UGGT2: variants seen among roughly 807,000 people sequenced by gnomAD.
UGGT2 encodes UDP-glucose:glycoprotein glucosyltransferase 2.
A neutral mutation model predicts 192.1 loss-of-function variants in UGGT2; 180 were observed. The observed-to-expected ratio is 0.94, with a 90% CI of 0.83 to 1.06. UGGT2 has a LOEUF of 1.06. UGGT2 is among the 50% of genes least tolerant of loss of function. The pLI is 0.00. For missense variants in UGGT2, 1,849 were observed against 1,795.7 expected (o/e 1.03, Z -0.54); for synonymous variants, 580 against 591.0 (o/e 0.98, Z 0.27).
intron 36 of UGGT2, among the ~76,000 whole-genome samples, chr13:95,847,344 C>A (rs887959022): frequency 1.3e-5 from 2 of 152,134 alleles, no homozygotes; most frequent in African/African-American, 2.4e-5. Flanking sequence ...CATTAGACTT[C>A]TTTCTTGGTG....
At chr13:96,021,528 A>T (rs1394250638) in intron 4 of UGGT2, among the ~76,000 whole-genome samples, 1 of 152,208 alleles carries the variant, frequency 6.6e-6, no homozygotes, top group Non-Finnish European at 1.5e-5. Flanking sequence ...AGAATGACCG[A>T]TAAAAATTAA....
intron 13 of UGGT2, among the ~76,000 whole-genome samples, chr13:95,948,881 A>C (rs2049968073): frequency 6.6e-6 from 1 of 152,202 alleles, no homozygotes; most frequent in Admixed American, 6.5e-5. Flanking sequence ...GGAGGGACCC[A>C]GTAGGAGGTA....
chr13:95,982,538 A>G (rs1312832045), intron 10 of UGGT2, among the ~76,000 whole-genome samples: 1 of 152,022 alleles, frequency 6.6e-6, no homozygotes, highest in African/African-American at 2.4e-5. Context: ...TGCTCCAACC[A>G]ATTTGTGGGC....
intron 37 of UGGT2, among the ~76,000 whole-genome samples, chr13:95,836,248 T>C (rs1887275802): frequency 6.6e-6 from 1 of 152,190 alleles, no homozygotes; most frequent in South Asian, 2.1e-4. Flanking sequence ...TGGGGTTTCA[T>C]CATGTTAGCA....
intron 1 of UGGT2, among the ~76,000 whole-genome samples, chr13:96,041,545 G>A (rs563024450): frequency 1.3e-5 from 2 of 152,294 alleles, no homozygotes; most frequent in African/African-American, 4.8e-5. Context: ...CACAGGTGGG[G>A]AAGCATGAGA....
At chr13:95,890,820 A>C (rs890950345) in intron 25 of UGGT2, 42 bp downstream of exon 25, 4 of 1,505,968 alleles carry the variant, frequency 2.7e-6, no homozygotes, top group Non-Finnish European at 3.6e-6. Flanking sequence ...AAAATTATGA[A>C]TTTAAAAACA....
intron 2 of UGGT2, among the ~76,000 whole-genome samples, chr13:96,025,121 C>G (rs1317878658): frequency 1.3e-5 from 2 of 152,174 alleles, no homozygotes; most frequent in Non-Finnish European, 2.9e-5. Flanking sequence ...GTCTCTGAAT[C>G]AGGGGTTTCA....
At chr13:95,867,763 G>A (rs1489298009) in intron 29 of UGGT2, among the ~76,000 whole-genome samples, 1 of 152,024 alleles carries the variant, frequency 6.6e-6, no homozygotes, top group African/African-American at 2.4e-5. Flanking sequence ...CTGATATATT[G>A]TAGTGATAAT....
Position 95,843,671 on chromosome 13 carries a change from T to G in UGGT2, c.4285-6469A>C, listed in dbSNP as rs550585388. Among the ~76,000 whole-genome samples the G allele has an allele frequency of 1.9e-3, 284 of 150,700 alleles. 1 individual carries two copies. The highest frequency in any genetic ancestry group is 5.7e-3 in the African/African-American group (234 of 41,220). ...TATTAGGGTTTAGAGGTTTTTGGGG[T>G]TTTTTTTTGGCATAAGGATATCTAA... On this transcript the variant is annotated intron_variant, in intron 36 of 38. Transcript: ENST00000376747.
chr13:95,877,775 G>A lies in UGGT2; in HGVS notation c.3310C>T (p.Pro1104Ser), dbSNP rs368042833. The A allele has an allele frequency of 6.2e-7, 1 of 1,613,866 alleles. No homozygotes were observed. Among genetic ancestry groups the A allele is most frequent in the African/African-American group, 1.3e-5 (1 of 74,924 alleles). ...AGTGTGAACTGCAGACCCCGAGGAG[G>A]CTGTTCTGTCACTTTATCAAAGCAT... ...GQCFDKVTEQ[P>S]PRGLQFTLGT... is the part of the protein sequence containing the mutation. The change falls in exon 28 of 39, where the codon CCT (proline) becomes TCT (serine). Residue 1104 changes from proline to serine, a missense_variant. Coordinates refer to ENST00000376747, the MANE Select transcript of UGGT2 (RefSeq NM_020121.4).
intron 12 of UGGT2, among the ~76,000 whole-genome samples, chr13:95,962,492 T>C (rs919598627): frequency 1.3e-5 from 2 of 151,860 alleles, no homozygotes; most frequent in African/African-American, 2.4e-5. Context: ...CAAGACTGAA[T>C]TAGGAAGAAA....
At chr13:95,833,451 T>C (rs1886946999) in intron 37 of UGGT2, among the ~76,000 whole-genome samples, 1 of 152,162 alleles carries the variant, frequency 6.6e-6, no homozygotes, top group Non-Finnish European at 1.5e-5. Flanking sequence ...TCCAACTCCA[T>C]ATTTACTAGT....
chr13:95,968,058 A>C (rs2050645675), intron 12 of UGGT2, among the ~76,000 whole-genome samples: 1 of 152,094 alleles, frequency 6.6e-6, no homozygotes, highest in South Asian at 2.1e-4. Flanking sequence ...CCTCATTTCT[A>C]ACAGTTACTC....
At chr13:95,841,646 T>C (rs1887875411) in intron 36 of UGGT2, among the ~76,000 whole-genome samples, 1 of 152,238 alleles carries the variant, frequency 6.6e-6, no homozygotes, top group Non-Finnish European at 1.5e-5. Context: ...ATTCTAAAAG[T>C]TGTCTTTTCC....
At chr13:96,015,617 T>C (rs1245133396) in intron 4 of UGGT2, among the ~76,000 whole-genome samples, 3 of 152,172 alleles carry the variant, frequency 2.0e-5, no homozygotes, top group South Asian at 2.1e-4. Context: ...ATTTACTGAA[T>C]TGACTAAGGT....
In UGGT2 at chr13:95,918,121, C is replaced by T. The variant is rs374984475; in HGVS notation, c.2295+7559G>A. ...TGCCACATGGCACTTACTCTAAAAT[C>T]GATCACATAATTGGAAGTAAAACGT... On this transcript the variant is annotated intron_variant, in intron 20 of 38. Transcript: ENST00000376747. 3.3e-5 allele frequency among the ~76,000 whole-genome samples: 5 copies of T among 152,128 alleles called. No homozygotes were observed. In the East Asian group the frequency reaches 5.8e-4, roughly 18 times the overall value.
chr13:96,011,238 C>T (rs1334988426), intron 5 of UGGT2, among the ~76,000 whole-genome samples: 4 of 151,984 alleles, frequency 2.6e-5, no homozygotes, highest in Non-Finnish European at 5.9e-5. Context: ...AAATGATGAA[C>T]TGGACTTAAT....
Position 95,884,682 on chromosome 13 carries a change from T to A in UGGT2, c.3039-2A>T. On this transcript the variant is annotated splice_acceptor_variant, in intron 26 of 38. Transcript: ENST00000376747. LOFTEE classifies it high-confidence loss of function. ...GGTTCCAGAACAAAACGGTAAAAGC[T>A]GTTAATAAAACATAAAAATACATAA... is the stretch of plus-strand genomic sequence containing the variant. 3.1e-6 allele frequency: 5 copies of A among 1,595,694 alleles called. No homozygotes were observed. The highest frequency in any genetic ancestry group is 4.3e-6 in the Non-Finnish European group (5 of 1,173,846).
intron 37 of UGGT2, among the ~76,000 whole-genome samples, chr13:95,833,276 G>A: frequency 6.6e-6 from 1 of 152,080 alleles, no homozygotes; most frequent in East Asian, 1.9e-4. Context: ...AATAAAAATT[G>A]TTGAAAGACA....
Sources: allele counts gnomAD v4.1 joint callset (sites outside exome capture counted in the v4.1 genomes callset), GRCh38; gene constraint gnomAD v4.1.1; transcripts MANE v1.5; gene names NCBI Gene and HGNC (gene_info 2026-07-23, HGNC 2026-07-21).